Variants in MICAL2 observed in about 807,000 individuals in gnomAD.
MICAL2 encodes the protein microtubule associated monooxygenase, calponin and LIM domain containing 2, also known as [F-actin]-monooxygenase MICAL2.
A neutral mutation model predicts 127.3 loss-of-function variants in MICAL2; 77 were observed. That is an observed-to-expected ratio of 0.60 (90% CI 0.50 to 0.73). The LOEUF is 0.73. Ranked by LOEUF, MICAL2 falls within the 30% of genes least tolerant of loss-of-function variation. The pLI is 0.00. For missense variants in MICAL2, 1,351 were observed against 1,434.4 expected (o/e 0.94, Z 0.94); for synonymous variants, 570 against 551.1 (o/e 1.03, Z -0.48).
intron 2 of MICAL2, among the ~76,000 whole-genome samples, chr11:12,148,741 G>A (rs183515526): frequency 8.1e-4 from 123 of 152,362 alleles, no homozygotes; most frequent in African/African-American, 2.8e-3. Flanking sequence ...GGTAGGAGGG[G>A]CCACAAGTAG....
intron 1 of MICAL2, among the ~76,000 whole-genome samples, chr11:12,133,790 T>G (rs10765926): frequency 0.35 from 52,689 of 152,026 alleles, 9,720 homozygotes; most frequent in Admixed American, 0.4. Flanking sequence ...AACTAAGGTC[T>G]TGAAAAGGAA....
intron 29 of MICAL2, among the ~76,000 whole-genome samples, chr11:12,313,232 C>T (rs1232829573): frequency 6.9e-6 from 1 of 145,010 alleles, no homozygotes; most frequent in African/African-American, 2.5e-5. Flanking sequence ...TCTTTATGGA[C>T]AGTTTTTACA....
chr11:12,169,945 G>A (rs999059928), intron 3 of MICAL2, among the ~76,000 whole-genome samples: 11 of 152,160 alleles, frequency 7.2e-5, no homozygotes, highest in Admixed American at 4.6e-4. Flanking sequence ...GATTTCCCGG[G>A]CTTTGCTGAG....
chr11:12,146,158 A>G (rs2133675166), intron 2 of MICAL2, among the ~76,000 whole-genome samples: 1 of 152,328 alleles, frequency 6.6e-6, no homozygotes, highest in Middle Eastern at 3.4e-3. Flanking sequence ...GGCATGGGCA[A>G]GGACTTCATG....
chr11:12,207,336 A>C (rs533005516), intron 4 of MICAL2, among the ~76,000 whole-genome samples: 1 of 152,378 alleles, frequency 6.6e-6, no homozygotes, highest in East Asian at 1.9e-4. Context: ...ATACTAAGTA[A>C]GTCAAACCCA....
rs56946936 is a variant in MICAL2, at chr11:12,180,921, C to CTTTT, written c.264+18523_264+18526dup. 5.1e-3 allele frequency among the ~76,000 whole-genome samples: 417 copies of CTTTT among 82,356 alleles called. 4 individuals are homozygous for CTTTT. Among genetic ancestry groups the CTTTT allele is most frequent in the Middle Eastern group, 7.5e-3 (1 of 134 alleles). The allele number at this position is 82,356 out of a possible 152,430, so 54.0% of individuals were successfully genotyped here. On this transcript the variant is annotated intron_variant, in intron 3 of 27. Transcript: ENST00000683283. ...AATTATTCTTGCCTTTATTTTCCTTCTTTTTTTTTTTTTTTTTTTTTTTTG... is the reference window on the plus strand; with the variant it reads ...AATTATTCTTGCCTTTATTTTCCTTCTTTTTTTTTTTTTTTTTTTTTTTTTTTTG...
At chr11:12,147,729 T>G (rs1231568687) in intron 2 of MICAL2, among the ~76,000 whole-genome samples, 1 of 152,202 alleles carries the variant, frequency 6.6e-6, no homozygotes, top group Non-Finnish European at 1.5e-5. Flanking sequence ...CCACAGCACC[T>G]AGCAAGGCCC....
At chr11:12,168,399 A>G (rs1855802240) in intron 3 of MICAL2, among the ~76,000 whole-genome samples, 1 of 150,604 alleles carries the variant, frequency 6.6e-6, no homozygotes, top group Non-Finnish European at 1.5e-5. Context: ...CACAAACCAT[A>G]CACACATTCA....
chr11:12,135,507 C>A (rs1851765508), intron 1 of MICAL2, among the ~76,000 whole-genome samples: 1 of 152,146 alleles, frequency 6.6e-6, no homozygotes, highest in South Asian at 2.1e-4. Flanking sequence ...TCTGAGCAAG[C>A]AATGGGCTAA....
At chr11:12,160,199 C>T (rs1428095374) in intron 2 of MICAL2, among the ~76,000 whole-genome samples, 6 of 152,296 alleles carry the variant, frequency 3.9e-5, no homozygotes, top group East Asian at 1.9e-4. Flanking sequence ...TCTGAGACCT[C>T]GCCAGCCCCA....
chr11:12,217,792 T>C (rs1405834507), intron 8 of MICAL2, among the ~76,000 whole-genome samples: 1 of 152,098 alleles, frequency 6.6e-6, no homozygotes, highest in East Asian at 1.9e-4. Flanking sequence ...TTCTTTCTCC[T>C]TCAGAGGCCC....
At chr11:12,149,009 G>T (rs1003823481) in intron 2 of MICAL2, among the ~76,000 whole-genome samples, 5 of 152,188 alleles carry the variant, frequency 3.3e-5, no homozygotes, top group African/African-American at 1.2e-4. Flanking sequence ...AGTAAATGGT[G>T]GGTTGGGTTT....
intron 2 of MICAL2, among the ~76,000 whole-genome samples, chr11:12,150,544 G>C (rs150112295): frequency 6.6e-6 from 1 of 152,138 alleles, no homozygotes; most frequent in Admixed American, 6.5e-5. Context: ...CTCTGCAGTC[G>C]TCCTGGGCTC....
At chr11:12,233,640 T>G (rs1343553187) in intron 15 of MICAL2, among the ~76,000 whole-genome samples, 1 of 152,240 alleles carries the variant, frequency 6.6e-6, no homozygotes, top group Non-Finnish European at 1.5e-5. Flanking sequence ...AAATGCCTTT[T>G]GGTATATAGA....
In MICAL2 at chr11:12,131,232, G is replaced by A. The variant is rs1851388700; in HGVS notation, c.-148-7158G>A. Among the ~76,000 whole-genome samples the A allele has an allele frequency of 5.9e-5, 2 of 33,792 alleles. 1 individual carries two copies. The highest frequency in any genetic ancestry group is 2.1e-3 in the East Asian group (2 of 948). 22.2% of individuals were successfully genotyped at this position (33,792 alleles called of 152,430 possible). A position where few individuals can be genotyped will look rare whatever the true frequency, so the allele number is the denominator to read the frequency against. On this transcript the variant is annotated intron_variant, in intron 1 of 27. Transcript: ENST00000683283. ...GGCGTGAACCCGGGAGGCGGAGCTTGCAGTGAGCCGAGATTGCGCCACTGC... is the reference window on the plus strand; with the variant it reads ...GGCGTGAACCCGGGAGGCGGAGCTTACAGTGAGCCGAGATTGCGCCACTGC...
chr11:12,112,226 C>T (rs888204072), intron 1 of MICAL2, among the ~76,000 whole-genome samples: 1 of 152,194 alleles, frequency 6.6e-6, no homozygotes, highest in Non-Finnish European at 1.5e-5. Context: ...CCACAGCGTG[C>T]TGACTAGAGC....
chr11:12,293,429 T>C, downstream of MICAL2: 1 of 1,179,506 alleles, frequency 8.5e-7, no homozygotes, highest in South Asian at 1.6e-5. Flanking sequence ...TTAGGCAAAA[T>C]TATTTTTTAA....
intron 34 of MICAL2, among the ~76,000 whole-genome samples, chr11:12,357,633 T>C (rs1939148336): frequency 6.6e-6 from 1 of 151,974 alleles, no homozygotes; most frequent in Non-Finnish European, 1.5e-5. Flanking sequence ...GGTCAGGAGT[T>C]TGAGACCACC....
At chr11:12,285,365 A>C (rs181511184) in intron 2 of MICAL2, among the ~76,000 whole-genome samples, 2 of 152,318 alleles carry the variant, frequency 1.3e-5, no homozygotes, top group Non-Finnish European at 2.9e-5. Flanking sequence ...TGACTCTTAA[A>C]CCACAATTTC....
Sources: gnomAD v4.1 joint callset for allele counts (sites outside exome capture counted in the v4.1 genomes callset) on GRCh38, gnomAD v4.1.1 for gene constraint, MANE v1.5 for transcripts, NCBI Gene and HGNC (gene_info 2026-07-23, HGNC 2026-07-21) for gene names.